The following MCTP1 variants were observed in gnomAD, a reference collection of about 807,000 sequenced individuals.
MCTP1 encodes multiple C2 and transmembrane domain-containing protein 1.
MCTP1 carries 69 observed loss-of-function variants against 120.6 expected under a neutral mutation model. The ratio of observed to expected loss-of-function variants is 0.57; its 90% CI spans 0.47 to 0.70. The LOEUF (loss-of-function observed/expected upper bound fraction) is 0.70. Among genes scored for constraint, MCTP1 ranks in the 30% least tolerant of loss-of-function variants. The pLI, the probability that MCTP1 is intolerant of heterozygous loss-of-function variation, is 0.00. For missense variants in MCTP1, 1,203 were observed against 1,248.8 expected (o/e 0.96, Z 0.55); for synonymous variants, 529 against 493.1 (o/e 1.07, Z -0.96).
chr5:95,036,390 T>C (rs1006341840), intron 1 of MCTP1, among the ~76,000 whole-genome samples: 1 of 152,170 alleles, frequency 6.6e-6, no homozygotes, highest in African/African-American at 2.4e-5. Flanking sequence ...GAAGAATCCT[T>C]CTACTGCTTC....
intron 1 of MCTP1, among the ~76,000 whole-genome samples, chr5:95,123,358 G>C (rs1758380761): frequency 6.6e-6 from 1 of 152,118 alleles, no homozygotes; most frequent in Non-Finnish European, 1.5e-5. Context: ...CACTGGATTA[G>C]GAGAAGAACA....
At chr5:95,274,228 T>G (rs1759632127) in intron 1 of MCTP1, among the ~76,000 whole-genome samples, 1 of 152,226 alleles carries the variant, frequency 6.6e-6, no homozygotes, top group Non-Finnish European at 1.5e-5. Context: ...TTTGCCTTTG[T>G]GCTTAGGCAA....
At chr5:95,030,630 T>C (rs866832148) in intron 1 of MCTP1, among the ~76,000 whole-genome samples, 6 of 152,126 alleles carry the variant, frequency 3.9e-5, no homozygotes, top group African/African-American at 1.4e-4. Context: ...ATATGCAACA[T>C]GCACCACAGT....
intron 7 of MCTP1, 59 bp downstream of exon 7, chr5:94,923,903 C>G: frequency 1.9e-6 from 2 of 1,070,314 alleles, no homozygotes; most frequent in Non-Finnish European, 2.7e-6. Context: ...ATGTAACTTT[C>G]AAAATTGCTA....
At chr5:94,847,725 T>G (rs1792793108) in intron 17 of MCTP1, among the ~76,000 whole-genome samples, 4 of 144,792 alleles carry the variant, frequency 2.8e-5, no homozygotes, top group African/African-American at 5.2e-5. Context: ...GGGTGTAAAT[T>G]TGAGAGAGAG....
intron 1 of MCTP1, among the ~76,000 whole-genome samples, chr5:95,048,130 G>GAAA (rs1745023886): frequency 6.6e-6 from 1 of 152,124 alleles, no homozygotes; most frequent in Non-Finnish European, 1.5e-5. Flanking sequence ...TTAGGCAAAG[G>GAAA]AATATAATTT....
intron 1 of MCTP1, among the ~76,000 whole-genome samples, chr5:95,041,675 A>C (rs1842385685): frequency 6.6e-6 from 1 of 152,250 alleles, no homozygotes; most frequent in Admixed American, 6.5e-5. Context: ...AACATATATA[A>C]AACTCTGGGG....
intron 1 of MCTP1, among the ~76,000 whole-genome samples, chr5:95,122,335 A>ATGTCT (rs1303731694): frequency 6.6e-6 from 1 of 152,174 alleles, no homozygotes; most frequent in Non-Finnish European, 1.5e-5. Context: ...GAAAATAGAC[A>ATGTCT]GAAGATCTGA....
chr5:94,929,034 T>C (rs1246977113), intron 6 of MCTP1, among the ~76,000 whole-genome samples: 1 of 152,126 alleles, frequency 6.6e-6, no homozygotes, highest in Admixed American at 6.6e-5. Flanking sequence ...AATTTCATCA[T>C]AGAAAGTCAA....
At chr5:95,213,299 C>T (rs1752626195) in intron 1 of MCTP1, among the ~76,000 whole-genome samples, 1 of 152,176 alleles carries the variant, frequency 6.6e-6, no homozygotes, top group Non-Finnish European at 1.5e-5. Flanking sequence ...AGGAATCCAA[C>T]TTACAAAGGA....
chr5:94,843,442 G>A (rs1320244494), intron 17 of MCTP1, among the ~76,000 whole-genome samples: 6 of 152,162 alleles, frequency 3.9e-5, no homozygotes, highest in East Asian at 1.9e-4. Flanking sequence ...GGATGTAGGC[G>A]ATTTGTCTGC....
At chr5:94,921,568 C>T (rs968543166) in intron 7 of MCTP1, among the ~76,000 whole-genome samples, 5 of 152,050 alleles carry the variant, frequency 3.3e-5, no homozygotes, top group African/African-American at 1.2e-4. Context: ...TGAAAATGTC[C>T]CTGGGTAACC....
chr5:95,172,985 T>C (rs1339434131), intron 1 of MCTP1, among the ~76,000 whole-genome samples: 1 of 152,204 alleles, frequency 6.6e-6, no homozygotes, highest in East Asian at 1.9e-4. Flanking sequence ...ACCATATTAA[T>C]TTCAGCCTTT....
At chr5:94,842,688 G>C (rs1258316925) in intron 17 of MCTP1, among the ~76,000 whole-genome samples, 1 of 152,156 alleles carries the variant, frequency 6.6e-6, no homozygotes, top group Non-Finnish European at 1.5e-5. Context: ...GCTATCTTAT[G>C]AATAAACAAT....
At position 95,253,786 on chromosome 5, in the gene MCTP1, G is replaced by A. The variant is rs73776344; in HGVS notation, c.720+30070C>T. Among the ~76,000 whole-genome samples, 955 of 152,184 alleles carry A rather than the reference G, an allele frequency of 6.3e-3. 12 individuals carry two copies. The highest frequency in any genetic ancestry group is 0.021 in the African/African-American group (878 of 41,554). On this transcript the variant is annotated intron_variant, in intron 1 of 22. Coordinates refer to ENST00000515393, the MANE Select transcript of MCTP1 (RefSeq NM_024717.7). ...ACATATGAATCCTAGTGGTGGGAAC[G>A]AGTGTGGGAGGAAAGGAGATTGCAA...
intron 1 of MCTP1, among the ~76,000 whole-genome samples, chr5:95,200,969 A>G (rs759480034): frequency 1.8e-4 from 27 of 152,232 alleles, no homozygotes; most frequent in Non-Finnish European, 3.2e-4. Flanking sequence ...TTATCTATGA[A>G]AAGTTTGTCA....
Position 95,002,703 on chromosome 5 carries a change from T to G in MCTP1, c.838+14664A>C, listed in dbSNP as rs145813524. Reference sequence around the variant, plus strand: ...AAGAATTAACTAACTTGCTTTTGATTTTACAGGCTCATAGGCAGAAGGGAC... The same window carrying G: ...AAGAATTAACTAACTTGCTTTTGATGTTACAGGCTCATAGGCAGAAGGGAC... On this transcript the variant is annotated intron_variant, in intron 2 of 22. Transcript: ENST00000515393. Among the ~76,000 whole-genome samples, 162 of 152,322 alleles carry G rather than the reference T, an allele frequency of 1.1e-3. No individual in the cohort carries two copies. In the East Asian group the frequency reaches 0.029, roughly 27 times the overall value.
chr5:94,958,039 G>A (rs927336802), intron 2 of MCTP1, among the ~76,000 whole-genome samples: 4 of 152,092 alleles, frequency 2.6e-5, no homozygotes, highest in African/African-American at 9.7e-5. Context: ...CTCAGCTAAT[G>A]CAAAAGAACA....
chr5:95,071,247 C>G (rs543411323), intron 1 of MCTP1, among the ~76,000 whole-genome samples: 3 of 152,290 alleles, frequency 2.0e-5, no homozygotes, highest in African/African-American at 7.2e-5. Context: ...ACGTGCAGCC[C>G]AAGAGCGTCT....
Sources: allele counts gnomAD v4.1 joint callset (sites outside exome capture counted in the v4.1 genomes callset), GRCh38; gene constraint gnomAD v4.1.1; transcripts MANE v1.5; gene names NCBI Gene and HGNC (gene_info 2026-07-23, HGNC 2026-07-21).